MAMDC2: variants seen among roughly 807,000 people sequenced by gnomAD.
MAMDC2 encodes MAM domain containing 2.
In MAMDC2, 57 loss-of-function variants were observed where a neutral mutation model predicts 89.8. The observed-to-expected ratio is 0.63, with a 90% confidence interval of 0.51 to 0.79. MAMDC2 has a LOEUF of 0.79. Among genes scored for constraint, MAMDC2 ranks in the 30% least tolerant of loss-of-function variants. The pLI is 0.00. For missense variants in MAMDC2, 800 were observed against 820.6 expected (o/e 0.97, Z 0.31); for synonymous variants, 313 against 293.4 (o/e 1.07, Z -0.68).
rs151136912 is a variant in MAMDC2, at chr9:70,088,973, T to C, written c.149-19238T>C. On this transcript the variant is annotated intron_variant, in intron 2 of 13. Coordinates refer to ENST00000377182, the MANE Select transcript of MAMDC2 (RefSeq NM_153267.5). Reference sequence around the variant, plus strand: ...ACACCAGGAATTGTGCTGGGCACTTTCCATGCATGATGTTATTAAATTTAC... The same window carrying C: ...ACACCAGGAATTGTGCTGGGCACTTCCCATGCATGATGTTATTAAATTTAC... 9.2e-4 allele frequency: 140 copies of C among 152,270 alleles called. 1 individual carries two copies. The highest frequency in any genetic ancestry group is 3.2e-3 in the African/African-American group (135 of 41,558). The allele number at this position is 152,270 out of a possible 1,614,324, so 9.4% of individuals were successfully genotyped here. A position where few individuals can be genotyped will look rare whatever the true frequency, so the allele number is the denominator to read the frequency against.
In MAMDC2 at chr9:70,217,311, A is replaced by C. The variant is rs878973156; in HGVS notation, c.1652-1026A>C. The C allele has an allele frequency of 5.8e-6, 8 of 1,378,276 alleles. No homozygotes were observed. The East Asian group carries it at 1.4e-4, about 24-fold the overall frequency. 85.4% of individuals were successfully genotyped at this position (1,378,276 alleles called of 1,614,324 possible). A position where few individuals can be genotyped will look rare whatever the true frequency, so the allele number is the denominator to read the frequency against. The stretch of plus-strand genomic sequence containing the variant: ...TTCTTAATGCGAAATGCGAGTCGGC[A>C]TTCCTTTCCAAGAGGAATCCTTGGC... On this transcript the variant is annotated intron_variant, in intron 11 of 13. Transcript: ENST00000377182.
intron 11 of MAMDC2, among the ~76,000 whole-genome samples, chr9:70,174,740 T>TC (rs1430317507): frequency 1.3e-5 from 2 of 151,064 alleles, no homozygotes; most frequent in Admixed American, 6.6e-5. Flanking sequence ...TTTTTTTTTT[T>TC]CCGAGATAGA....
intron 7 of MAMDC2, 138 bp downstream of exon 7, chr9:70,131,750 G>A: frequency 2.9e-6 from 2 of 679,568 alleles, no homozygotes; most frequent in Non-Finnish European, 4.9e-6. Context: ...TTAATCAAAG[G>A]TCATTTTTCT....
At chr9:70,164,265 G>A (rs1276658764) in intron 9 of MAMDC2, among the ~76,000 whole-genome samples, 1 of 152,184 alleles carries the variant, frequency 6.6e-6, no homozygotes, top group African/African-American at 2.4e-5. Flanking sequence ...TAGTGCTGAG[G>A]TAGCAATACT....
chr9:70,122,708 A>T (rs1468454083), intron 5 of MAMDC2, among the ~76,000 whole-genome samples: 1 of 152,238 alleles, frequency 6.6e-6, no homozygotes, highest in Non-Finnish European at 1.5e-5. Flanking sequence ...AGCCTACATC[A>T]TATACCTCTT....
intron 5 of MAMDC2, among the ~76,000 whole-genome samples, chr9:70,115,972 T>A: frequency 6.6e-6 from 1 of 152,262 alleles, no homozygotes; most frequent in East Asian, 1.9e-4. Context: ...GCGATTGTTT[T>A]TCTGTCATAT....
intron 11 of MAMDC2, among the ~76,000 whole-genome samples, chr9:70,176,259 T>C (rs1400738441): frequency 6.6e-6 from 1 of 152,218 alleles, no homozygotes; most frequent in Non-Finnish European, 1.5e-5. Context: ...GCACATATAG[T>C]AGATATTAAA....
At chr9:70,101,344 C>T (rs976128754) in intron 2 of MAMDC2, among the ~76,000 whole-genome samples, 1 of 150,232 alleles carries the variant, frequency 6.7e-6, no homozygotes, top group African/African-American at 2.5e-5. Flanking sequence ...AAGGTTAATT[C>T]ATTATTGAAA....
chr9:70,224,022 T>A (rs1013532265), intron 12 of MAMDC2, among the ~76,000 whole-genome samples: 1 of 152,208 alleles, frequency 6.6e-6, no homozygotes, highest in African/African-American at 2.4e-5. Flanking sequence ...GTAATTTTAT[T>A]ACTCTTTTCA....
chr9:70,070,575 G>A (rs1425384651), intron 2 of MAMDC2, among the ~76,000 whole-genome samples: 2 of 152,184 alleles, frequency 1.3e-5, no homozygotes, highest in Non-Finnish European at 2.9e-5. Flanking sequence ...CATAGTAGGT[G>A]TTCAGTAACT....
intron 2 of MAMDC2, among the ~76,000 whole-genome samples, chr9:70,081,178 G>A (rs921408732): frequency 3.9e-5 from 6 of 152,110 alleles, no homozygotes; most frequent in African/African-American, 1.4e-4. Context: ...AAGAAGGGCA[G>A]GCCAGGAGTA....
intron 2 of MAMDC2, among the ~76,000 whole-genome samples, chr9:70,076,420 CA>C (rs747236748): frequency 0.023 from 2,855 of 124,446 alleles, 74 homozygotes; most frequent in African/African-American, 0.071. Flanking sequence ...GACTCTGCCT[CA>C]AAAAAAAAAA....
chr9:70,131,900 C>T (rs2030822381), intron 7 of MAMDC2, among the ~76,000 whole-genome samples: 3 of 152,194 alleles, frequency 2.0e-5, no homozygotes, highest in Admixed American at 2.0e-4. Context: ...TTCTCACACA[C>T]TCACTCCATC....
intron 2 of MAMDC2, among the ~76,000 whole-genome samples, chr9:70,050,073 T>C (rs1826858482): frequency 2.0e-5 from 3 of 152,210 alleles, no homozygotes; most frequent in Non-Finnish European, 4.4e-5. Flanking sequence ...ATCAGAGAGC[T>C]AATTATATTT....
chr9:70,211,606 C>G (rs2033355342), intron 11 of MAMDC2, among the ~76,000 whole-genome samples: 1 of 151,760 alleles, frequency 6.6e-6, no homozygotes, highest in Non-Finnish European at 1.5e-5. Context: ...TACCGATCGT[C>G]TGAAGCCTTC....
intron 6 of MAMDC2, among the ~76,000 whole-genome samples, chr9:70,129,053 A>G (rs112016427): frequency 6.6e-6 from 1 of 152,140 alleles, no homozygotes. Context: ...AATCTCCTCA[A>G]CAGTCCTACA....
At chr9:70,202,178 C>T (rs1320292899) in intron 11 of MAMDC2, among the ~76,000 whole-genome samples, 1 of 151,002 alleles carries the variant, frequency 6.6e-6, no homozygotes, top group African/African-American at 2.4e-5. Flanking sequence ...CCTGCTTTCT[C>T]TTGTGGGCAT....
chr9:70,210,955 GC>G (rs1236320937), intron 11 of MAMDC2, among the ~76,000 whole-genome samples: 1 of 152,124 alleles, frequency 6.6e-6, no homozygotes, highest in Non-Finnish European at 1.5e-5. Context: ...TTGAATATTG[GC>G]CCCCACTCTC....
intron 5 of MAMDC2, among the ~76,000 whole-genome samples, chr9:70,121,145 C>T (rs7853094): frequency 6.6e-6 from 1 of 152,062 alleles, no homozygotes; most frequent in Non-Finnish European, 1.5e-5. Flanking sequence ...TGCTGGTGAG[C>T]CAGACTGCTT....
Sources: allele counts gnomAD v4.1 joint callset (sites outside exome capture counted in the v4.1 genomes callset), GRCh38; gene constraint gnomAD v4.1.1; transcripts MANE v1.5; gene names NCBI Gene and HGNC (gene_info 2026-07-23, HGNC 2026-07-21).